ABITRAM: variants seen among roughly 807,000 people sequenced by gnomAD.
ABITRAM encodes the protein actin binding transcription modulator, also known as protein Abitram.
A neutral mutation model predicts 22.9 loss-of-function variants in ABITRAM; 19 were observed. That is an observed-to-expected ratio of 0.83 (90% CI 0.58 to 1.22). ABITRAM has a LOEUF of 1.22. Among genes scored for constraint, ABITRAM ranks in the 50% most tolerant of loss-of-function variants. ABITRAM has a pLI of 0.00. For synonymous variants in ABITRAM, 70 were observed against 73.9 expected (o/e 0.95, Z 0.27); for missense variants, 215 against 220.2 (o/e 0.98, Z 0.15).
downstream of ABITRAM, among the ~76,000 whole-genome samples, chr9:108,945,821 G>T (rs182960491): frequency 3.3e-5 from 5 of 152,072 alleles, no homozygotes; most frequent in African/African-American, 1.2e-4. Context: ...GGTTGAATCT[G>T]CAGATGCAAA....
downstream of ABITRAM, chr9:108,942,775 T>A (rs761992781): frequency 1.2e-6 from 2 of 1,608,232 alleles, no homozygotes; most frequent in South Asian, 2.2e-5. Flanking sequence ...CTTCTCAAGT[T>A]TTACTATCCA....
chr9:108,943,444 G>C (rs1190751866), downstream of ABITRAM, among the ~76,000 whole-genome samples: 5 of 152,186 alleles, frequency 3.3e-5, no homozygotes, highest in African/African-American at 4.8e-5. Context: ...TGTCCTAGTT[G>C]CAGAGGTAAT....
chr9:108,947,199 C>T (rs1010745086), intron 3 of ABITRAM, among the ~76,000 whole-genome samples: 3 of 151,416 alleles, frequency 2.0e-5, no homozygotes, highest in African/African-American at 4.9e-5. Context: ...CTGCAAGCTC[C>T]GCCTCCCGGG....
At chr9:108,947,710 C>T (rs930989172) in intron 3 of ABITRAM, among the ~76,000 whole-genome samples, 2 of 152,164 alleles carry the variant, frequency 1.3e-5, no homozygotes, top group Non-Finnish European at 2.9e-5. Flanking sequence ...TGCCCTAAAT[C>T]ATCATGAATA....
chr9:108,935,741 G>A (rs1051837855), intron 2 of ABITRAM, 52 bp downstream of exon 2: 1 of 1,204,440 alleles, frequency 8.3e-7, no homozygotes, highest in Non-Finnish European at 1.2e-6. Flanking sequence ...TCCTGGTATT[G>A]TAGCCTGGTA....
chr9:108,949,932 G>A (rs1830509734), intron 3 of ABITRAM, among the ~76,000 whole-genome samples: 1 of 151,006 alleles, frequency 6.6e-6, no homozygotes, highest in African/African-American at 2.4e-5. Context: ...GCTAAGGCAT[G>A]AGAATTGCTT....
At chr9:108,942,780 T>G, downstream of ABITRAM, 1 of 1,609,966 alleles carries the variant, frequency 6.2e-7, no homozygotes, top group African/African-American at 1.3e-5. Context: ...CAAGTTTTAC[T>G]ATCCATAGTG....
rs1830244547 is a variant in ABITRAM, at chr9:108,940,658, G to A, written c.*972G>A. 6.6e-6 allele frequency: 1 copy of A among 152,112 alleles called. No homozygotes were observed. The highest frequency in any genetic ancestry group is 1.5e-5 in the Non-Finnish European group (1 of 68,024). 9.4% of individuals were successfully genotyped at this position (152,112 alleles called of 1,614,324 possible). A position where few individuals can be genotyped will look rare whatever the true frequency, so the allele number is the denominator to read the frequency against. Reference sequence around the variant, plus strand: ...CCTAGGAAATGTGTTATAATGCAGCGGGAAGCTAATTCTTGAAATATGCAC... The same window carrying A: ...CCTAGGAAATGTGTTATAATGCAGCAGGAAGCTAATTCTTGAAATATGCAC... On this transcript the variant is annotated 3_prime_UTR_variant, in exon 6 of 6. Coordinates refer to ENST00000322940, the MANE Select transcript of ABITRAM (RefSeq NM_017832.4).
intron 2 of ABITRAM, 157 bp from the exon 3 acceptor site, chr9:108,936,151 A>G (rs1039533254): frequency 1.3e-5 from 9 of 717,054 alleles, no homozygotes; most frequent in East Asian, 2.7e-5. Context: ...TGTATTCTCT[A>G]TTCTACAGTT....
At position 108,938,698 on chromosome 9, in the gene ABITRAM, G is replaced by T. The variant is rs550023752; in HGVS notation, c.262-498G>T. Among the ~76,000 whole-genome samples the T allele has an allele frequency of 5.5e-5, 8 of 144,590 alleles. No individual in the cohort carries two copies. In the South Asian group the frequency reaches 2.0e-3, roughly 35 times the overall value. 94.9% of individuals were successfully genotyped at this position (144,590 alleles called of 152,430 possible). Reference sequence around the variant, plus strand: ...ACACTGGGGAATTACAAAGGGGGGGGGGGGAAAGAACAATATCCCTTCTTC... The same window carrying T: ...ACACTGGGGAATTACAAAGGGGGGGTGGGGAAAGAACAATATCCCTTCTTC... On this transcript the variant is annotated intron_variant, in intron 3 of 5. Transcript: ENST00000322940.
At chr9:108,950,685 T>A in exon 4 of ABITRAM, 3 of 1,466,336 alleles carry the variant, frequency 2.0e-6, no homozygotes, top group Non-Finnish European at 2.7e-6. Flanking sequence ...AGGAGGTGGA[T>A]GCTCATCTTT....
intron 1 of ABITRAM, 60 bp downstream of exon 1, chr9:108,934,625 A>G (rs574545591): frequency 5.4e-5 from 79 of 1,471,976 alleles, no homozygotes; most frequent in Non-Finnish European, 6.7e-5. Context: ...TGTGTAGACT[A>G]TGTTGACAGA....
At chr9:108,944,067 G>A (rs1353450375), downstream of ABITRAM, 1 of 1,493,976 alleles carries the variant, frequency 6.7e-7, no homozygotes, top group Admixed American at 1.9e-5. Flanking sequence ...TCTATGGATA[G>A]TTGGTAAGAA....
At chr9:108,936,011 T>C (rs2304782) in intron 2 of ABITRAM, 37,331 of 491,234 alleles carry the variant, frequency 0.076, 1,759 homozygotes, top group Admixed American at 0.15. Context: ...GGTAGAGACA[T>C]GTATGGTATC....
chr9:108,935,182 A>G (rs1022095296), intron 1 of ABITRAM, among the ~76,000 whole-genome samples: 4 of 152,120 alleles, frequency 2.6e-5, no homozygotes, highest in African/African-American at 9.7e-5. Flanking sequence ...AAAAATATAT[A>G]TTGTAGCATA....
intron 3 of ABITRAM, among the ~76,000 whole-genome samples, chr9:108,948,885 A>G (rs1336664214): frequency 6.6e-6 from 1 of 152,198 alleles, no homozygotes; most frequent in Non-Finnish European, 1.5e-5. Flanking sequence ...GGAATCTAGT[A>G]GCAACCAGTT....
downstream of ABITRAM, among the ~76,000 whole-genome samples, chr9:108,945,436 T>C (rs1263028538): frequency 2.0e-5 from 3 of 151,884 alleles, no homozygotes; most frequent in Non-Finnish European, 4.4e-5. Flanking sequence ...TTTTTTTTAC[T>C]GTTGTTATAT....
intron 3 of ABITRAM, among the ~76,000 whole-genome samples, chr9:108,938,762 TTATC>T (rs891663834): frequency 7.2e-5 from 11 of 152,094 alleles, no homozygotes; most frequent in Non-Finnish European, 1.5e-4. Flanking sequence ...ATAAGTTCCT[TTATC>T]TATTAAGTTC....
rs1830229865 is a variant in ABITRAM at position 108,939,467 on chromosome 9, G to GA, written c.408+19dup. 1.2e-6 allele frequency: 2 copies of GA among 1,603,376 alleles called. No individual in the cohort carries two copies. The highest frequency in any genetic ancestry group is 1.7e-6 in the Non-Finnish European group (2 of 1,177,310). On this transcript the variant is annotated intron_variant, in intron 5 of 5. Coordinates refer to ENST00000322940, the MANE Select transcript of ABITRAM (RefSeq NM_017832.4). ...TCTTCAAGAAAAGGTAAAAGAGAGA[G>GA]AAAAAATATGATCTCATCCACATAC...
Sources: gnomAD v4.1 joint callset for allele counts (sites outside exome capture counted in the v4.1 genomes callset) on GRCh38, gnomAD v4.1.1 for gene constraint, MANE v1.5 for transcripts, NCBI Gene and HGNC (gene_info 2026-07-23, HGNC 2026-07-21) for gene names.